NCOR2: variants seen among roughly 807,000 people sequenced by gnomAD.
NCOR2 encodes the protein nuclear receptor corepressor 2, also known as CTG repeat protein 26.
Under a neutral mutation model 262.9 loss-of-function variants are expected in NCOR2, and 81 were observed. The observed-to-expected ratio is 0.31, with a 90% CI of 0.26 to 0.37. The LOEUF (loss-of-function observed/expected upper bound fraction) is 0.37, where lower values mean the gene tolerates loss of function less well. NCOR2 is among the 10% of genes least tolerant of loss of function. The pLI, the probability that NCOR2 is intolerant of heterozygous loss-of-function variation, is 1.00. For synonymous variants in NCOR2, 1,659 were observed against 1,559.3 expected (o/e 1.06, Z -1.51); for missense variants, 3,385 against 3,621.4 (o/e 0.93, Z 1.68).
intron 13 of NCOR2, among the ~76,000 whole-genome samples, chr12:124,405,773 G>A (rs56977560): frequency 0.13 from 19,061 of 152,174 alleles, 1,497 homozygotes; most frequent in African/African-American, 0.21. Context: ...CCCGGCAGCC[G>A]GCTCAGCCCC....
At chr12:124,353,317 C>G (rs374473242) in intron 27 of NCOR2, among the ~76,000 whole-genome samples, 1 of 152,232 alleles carries the variant, frequency 6.6e-6, no homozygotes, top group Non-Finnish European at 1.5e-5. Flanking sequence ...CTCAGCCTGA[C>G]TTTTGTCCAA....
intron 22 of NCOR2, among the ~76,000 whole-genome samples, chr12:124,361,305 AG>A (rs2038576988): frequency 6.6e-6 from 1 of 152,164 alleles, no homozygotes; most frequent in Admixed American, 6.5e-5. Context: ...GGGCTAGCCC[AG>A]GGTGGGGAAC....
rs571890180 is a variant in NCOR2, at chr12:124,476,147, C to T, written c.412-3016G>A. Among the ~76,000 whole-genome samples, 4 of 152,330 alleles carry T rather than the reference C, an allele frequency of 2.6e-5. No homozygotes were observed. The South Asian group carries it at 6.2e-4, about 24-fold the overall frequency. On this transcript the variant is annotated intron_variant, in intron 3 of 46. Transcript: ENST00000405201. ...GACCCCACCCACAGCAAACCATGGA[C>T]AGCTCATGCGTCTGGCACCCCCGGG...
intron 1 of NCOR2, among the ~76,000 whole-genome samples, chr12:124,492,805 G>A (rs563721737): frequency 7.2e-5 from 11 of 152,312 alleles, no homozygotes; most frequent in Non-Finnish European, 5.9e-5. Flanking sequence ...CAAGAAAGCG[G>A]CTCCACCCTG....
chr12:124,325,372 A>ACCCCC (rs1389037451), exon 47 of NCOR2: 4 of 489,010 alleles, frequency 8.2e-6, no homozygotes, highest in South Asian at 7.5e-5. Flanking sequence ...CTGGGACCTG[A>ACCCCC]CACCGCCCCC....
intron 7 of NCOR2, among the ~76,000 whole-genome samples, chr12:124,448,760 G>A (rs1333874413): frequency 2.0e-5 from 3 of 152,222 alleles, no homozygotes; most frequent in Non-Finnish European, 4.4e-5. Context: ...GAAAACACTG[G>A]AAGGTTTGCA....
intron 1 of NCOR2, among the ~76,000 whole-genome samples, chr12:124,487,146 G>A (rs931281624): frequency 6.6e-6 from 1 of 152,228 alleles, no homozygotes; most frequent in East Asian, 1.9e-4. Context: ...GCAACAACTG[G>A]GAAAAGGCCC....
intron 1 of NCOR2, among the ~76,000 whole-genome samples, chr12:124,547,641 C>G (rs2051580887): frequency 6.6e-6 from 1 of 152,220 alleles, no homozygotes; most frequent in Non-Finnish European, 1.5e-5. Flanking sequence ...AAAGGAGACC[C>G]CATCAACATG....
Position 124,548,805 on chromosome 12 carries a change from CA to C in NCOR2, c.-164-13195del, listed in dbSNP as rs1167795525. ...ACAGTTTTCAAATGACCTGGCCATT[CA>C]AAAAAACCTGCCAGAACCAGTCCAA... On this transcript the variant is annotated intron_variant, in intron 1 of 32. Coordinates refer to the NCOR2 transcript ENST00000458234. The surrounding 1 kb of genome is among the most constrained non-coding windows in gnomAD (Gnocchi z 5.1). Among the ~76,000 whole-genome samples the C allele has an allele frequency of 1.3e-5, 2 of 152,068 alleles. No homozygotes were observed. Among genetic ancestry groups the C allele is most frequent in the South Asian group, 2.1e-4 (1 of 4,806 alleles).
In NCOR2 at chr12:124,343,243, T is replaced by C. The variant is rs745874435; in HGVS notation, c.4715-17A>G. 1.2e-6 allele frequency: 2 copies of C among 1,604,362 alleles called. No individual in the cohort carries two copies. Among genetic ancestry groups the C allele is most frequent in the Non-Finnish European group, 1.7e-6 (2 of 1,174,612 alleles). On this transcript the variant is annotated splice_polypyrimidine_tract_variant and intron_variant, in intron 32 of 46. Transcript: ENST00000405201. ...AAAGGCTGCCTGTGGACGGGCAAGGTGGATGCATCGGGCCTCTGGGGCTGG... is the reference window on the plus strand; with the variant it reads ...AAAGGCTGCCTGTGGACGGGCAAGGCGGATGCATCGGGCCTCTGGGGCTGG...
chr12:124,383,122 A>T (rs1740660220), intron 17 of NCOR2, among the ~76,000 whole-genome samples: 1 of 152,224 alleles, frequency 6.6e-6, no homozygotes, highest in Non-Finnish European at 1.5e-5. Context: ...TCTGGGGCAT[A>T]CTAGGCCGCA....
At chr12:124,402,283 C>T (rs2136203227) in intron 14 of NCOR2, 121 bp downstream of exon 16, 2 of 1,528,370 alleles carry the variant, frequency 1.3e-6, no homozygotes, top group Admixed American at 1.9e-5. Flanking sequence ...GAAAGCCCTC[C>T]CCCCTGCTCA....
At chr12:124,544,735 G>A (rs1232650371) in intron 1 of NCOR2, among the ~76,000 whole-genome samples, 2 of 152,194 alleles carry the variant, frequency 1.3e-5, no homozygotes, top group East Asian at 3.8e-4. Flanking sequence ...CCACACACAG[G>A]AGGGGACAGC....
intron 13 of NCOR2, among the ~76,000 whole-genome samples, chr12:124,416,751 C>T (rs995365537): frequency 2.0e-5 from 3 of 148,532 alleles, no homozygotes; most frequent in East Asian, 4.0e-4. Flanking sequence ...AGATAGACCC[C>T]GCGGCACAGG....
At chr12:124,498,489 A>G (rs538386389), upstream of NCOR2, among the ~76,000 whole-genome samples, 4 of 152,302 alleles carry the variant, frequency 2.6e-5, no homozygotes, top group Admixed American at 2.0e-4. Flanking sequence ...GAACAACTCC[A>G]GTAACCTCGT....
chr12:124,452,734 C>T (rs111293366), intron 6 of NCOR2, among the ~76,000 whole-genome samples: 18 of 152,284 alleles, frequency 1.2e-4, no homozygotes, highest in Admixed American at 5.2e-4. Flanking sequence ...AGCAAGAGCC[C>T]GGTCAGCCTC....
At chr12:124,471,508 G>T (rs1456094543) in intron 4 of NCOR2, among the ~76,000 whole-genome samples, 1 of 152,226 alleles carries the variant, frequency 6.6e-6, no homozygotes, top group East Asian at 1.9e-4. Flanking sequence ...GTATAACAAA[G>T]CTGGGTCTAT....
intron 2 of NCOR2, among the ~76,000 whole-genome samples, chr12:124,485,501 C>T (rs939235446): frequency 2.0e-5 from 3 of 152,372 alleles, no homozygotes; most frequent in East Asian, 1.9e-4. Flanking sequence ...GCCCTGCGGA[C>T]GCCCTGACTT....
At chr12:124,519,356 G>C (rs2050045256) in intron 1 of NCOR2, among the ~76,000 whole-genome samples, 1 of 152,204 alleles carries the variant, frequency 6.6e-6, no homozygotes, top group African/African-American at 2.4e-5. Flanking sequence ...AGGGTCTCCA[G>C]ATTCACTTCC....
Sources: gnomAD v4.1 joint callset for allele counts (sites outside exome capture counted in the v4.1 genomes callset) on GRCh38, gnomAD v4.1.1 for gene constraint, Gnocchi (gnomAD v3.1) non-coding constraint, MANE v1.5 for transcripts, NCBI Gene and HGNC (gene_info 2026-07-23, HGNC 2026-07-21) for gene names.